HDAC9: variants seen among roughly 807,000 people sequenced by gnomAD.
The protein encoded by HDAC9 is MEF-2 interacting transcription repressor (MITR) protein.
A neutral mutation model predicts 139.4 loss-of-function variants in HDAC9; 41 were observed. The ratio of observed to expected loss-of-function variants is 0.29; its 90% confidence interval spans 0.23 to 0.38. HDAC9 has a LOEUF of 0.38. Ranked by LOEUF, HDAC9 falls within the 10% of genes least tolerant of loss-of-function variation. HDAC9 has a pLI of 1.00. For synonymous variants in HDAC9, 517 were observed against 476.2 expected, an observed-to-expected ratio of 1.09 and a Z score of -1.12; for missense variants, 1,147 against 1,297.0, an observed-to-expected ratio of 0.88 and a Z score of 1.78.
At chr7:18,179,960 G>C (rs1466942101) in intron 2 of HDAC9, among the ~76,000 whole-genome samples, 3 of 152,038 alleles carry the variant, frequency 2.0e-5, no homozygotes, top group Non-Finnish European at 2.9e-5. Flanking sequence ...AAAATCTCAT[G>C]TCTATAAGCC....
At position 18,485,950 on chromosome 7, in the gene HDAC9, G is replaced by T. The variant is rs147541204; in HGVS notation, c.-41-10312G>T. On this transcript the variant is annotated intron_variant, in intron 1 of 3. Coordinates refer to the HDAC9 transcript ENST00000413509. ...TGTGTTGCTGTAATAGAATACCACA[G>T]ACTGGGCAATTTATAAAGAAAAGAA... Among the ~76,000 whole-genome samples the T allele has an allele frequency of 6.8e-4, 104 of 152,216 alleles. 1 individual carries two copies. In the East Asian group the frequency reaches 0.017, roughly 25 times the overall value.
intron 2 of HDAC9, among the ~76,000 whole-genome samples, chr7:18,572,863 T>G (rs1386211007): frequency 6.6e-6 from 1 of 152,218 alleles, no homozygotes; most frequent in Non-Finnish European, 1.5e-5. Context: ...ATTGCGATAC[T>G]TTAGAACTAA....
intron 1 of HDAC9, among the ~76,000 whole-genome samples, chr7:18,333,683 C>G (rs2128650783): frequency 6.6e-6 from 1 of 151,268 alleles, no homozygotes; most frequent in South Asian, 2.1e-4. Flanking sequence ...TATGAAACAA[C>G]AAACAACAAC....
intron 1 of HDAC9, among the ~76,000 whole-genome samples, chr7:18,292,802 C>T (rs533512408): frequency 4.6e-5 from 7 of 152,182 alleles, no homozygotes; most frequent in South Asian, 4.1e-4. Flanking sequence ...GCTGAATCTT[C>T]TGGGAGGTGC....
At chr7:18,135,145 T>C (rs1418114111) in intron 1 of HDAC9, among the ~76,000 whole-genome samples, 2 of 152,092 alleles carry the variant, frequency 1.3e-5, no homozygotes, top group African/African-American at 4.8e-5. Context: ...TTCAAGTGGA[T>C]ACTGTTCACC....
chr7:18,847,256 C>G (rs972158172), intron 21 of HDAC9, among the ~76,000 whole-genome samples: 1 of 152,176 alleles, frequency 6.6e-6, no homozygotes. Context: ...TTCACCGTTA[C>G]GCACATACAT....
chr7:18,090,558 C>T (rs1782078137), intron 1 of HDAC9, among the ~76,000 whole-genome samples: 2 of 152,202 alleles, frequency 1.3e-5, no homozygotes, highest in Non-Finnish European at 2.9e-5. Flanking sequence ...CAAAGCAGTT[C>T]TTAAAGTTTA....
intron 13 of HDAC9, among the ~76,000 whole-genome samples, chr7:18,730,029 G>C (rs771346934): frequency 6.6e-6 from 1 of 152,150 alleles, no homozygotes; most frequent in Non-Finnish European, 1.5e-5. Context: ...ATATTTGTTA[G>C]CTCATTTGAA....
At chr7:18,838,887 A>T (rs979102191) in intron 21 of HDAC9, among the ~76,000 whole-genome samples, 4 of 152,016 alleles carry the variant, frequency 2.6e-5, no homozygotes, top group African/African-American at 9.7e-5. Context: ...ACTAGCCAAA[A>T]TTTGTCACAT....
intron 21 of HDAC9, among the ~76,000 whole-genome samples, chr7:18,865,238 G>T (rs1001280895): frequency 2.0e-5 from 3 of 152,172 alleles, no homozygotes; most frequent in Non-Finnish European, 4.4e-5. Context: ...ACAGGCCAGG[G>T]TGAGAACAGT....
chr7:18,432,255 A>T (rs868061311), intron 1 of HDAC9, among the ~76,000 whole-genome samples: 2 of 152,196 alleles, frequency 1.3e-5, no homozygotes, highest in Non-Finnish European at 2.9e-5. Context: ...ACTATCTGCC[A>T]TTGGGAAGCA....
intron 1 of HDAC9, among the ~76,000 whole-genome samples, chr7:18,407,379 C>A (rs1788110567): frequency 6.6e-6 from 1 of 152,150 alleles, no homozygotes; most frequent in Non-Finnish European, 1.5e-5. Context: ...ACATTAAAAT[C>A]TTGTCTCCTT....
intron 2 of HDAC9, among the ~76,000 whole-genome samples, chr7:18,574,810 G>A (rs1257958993): frequency 1.3e-5 from 2 of 152,244 alleles, no homozygotes; most frequent in South Asian, 2.1e-4. Flanking sequence ...AAATCAGAGC[G>A]AGTGCTGGGA....
intron 2 of HDAC9, among the ~76,000 whole-genome samples, chr7:18,194,512 G>A (rs1790595239): frequency 6.6e-6 from 1 of 152,020 alleles, no homozygotes. Flanking sequence ...ATCCCAAACT[G>A]AAAAAAACCA....
At chr7:18,086,858 T>C (rs1436094807), upstream of HDAC9, 2 of 147,618 alleles carry the variant, frequency 1.4e-5, no homozygotes, top group Non-Finnish European at 3.0e-5. Flanking sequence ...CCCGCTCAGC[T>C]CGCAGCTCGC....
chr7:18,107,573 C>G (rs897118949), intron 1 of HDAC9, among the ~76,000 whole-genome samples: 1 of 152,018 alleles, frequency 6.6e-6, no homozygotes, highest in African/African-American at 2.4e-5. Flanking sequence ...AAAGCTAATT[C>G]AAAAAGAGTA....
intron 2 of HDAC9, among the ~76,000 whole-genome samples, chr7:18,564,755 A>G (rs947624414): frequency 5.9e-5 from 9 of 152,034 alleles, no homozygotes; most frequent in African/African-American, 2.2e-4. Flanking sequence ...ACACTATTCA[A>G]AGTCCTCAAA....
At chr7:18,255,821 G>A (rs1211156298) in intron 2 of HDAC9, among the ~76,000 whole-genome samples, 1 of 151,738 alleles carries the variant, frequency 6.6e-6, no homozygotes, top group Admixed American at 6.6e-5. Context: ...TAGAGACGGG[G>A]TTTCACCATG....
chr7:18,279,337 T>C (rs1411119134), intron 2 of HDAC9, among the ~76,000 whole-genome samples: 1 of 152,104 alleles, frequency 6.6e-6, no homozygotes, highest in East Asian at 1.9e-4. Context: ...AGTTTGATTG[T>C]TATGAGATAA....
Sources: gnomAD v4.1 joint callset for allele counts (sites outside exome capture counted in the v4.1 genomes callset) on GRCh38, gnomAD v4.1.1 for gene constraint, MANE v1.5 for transcripts, NCBI Gene and HGNC (gene_info 2026-07-23, HGNC 2026-07-21) for gene names.